The following SMIM22 variants were observed in gnomAD, a reference collection of about 807,000 sequenced individuals.
SMIM22 encodes small integral membrane protein 22.
Under a neutral mutation model 8.4 loss-of-function variants are expected in SMIM22, and 16 were observed. That is an observed-to-expected ratio of 1.90 (90% CI 1.29 to 2.89). The LOEUF is 2.89. Ranked by LOEUF, SMIM22 falls within the 30% of genes most tolerant of loss-of-function variation. The pLI is 0.00. For synonymous variants in SMIM22, 67 were observed against 47.6 expected (o/e 1.41, Z -1.68); for missense variants, 159 against 107.5 (o/e 1.48, Z -2.12).
upstream of SMIM22, among the ~76,000 whole-genome samples, chr16:4,792,467 G>A (rs2082566760): frequency 6.7e-6 from 1 of 148,938 alleles, no homozygotes; most frequent in African/African-American, 2.5e-5. Flanking sequence ...TGGGATTACA[G>A]GCATGAGCCA....
chr16:4,791,781 G>C (rs988822416), upstream of SMIM22, among the ~76,000 whole-genome samples: 1 of 152,052 alleles, frequency 6.6e-6, no homozygotes, highest in Non-Finnish European at 1.5e-5. Context: ...TCTGCCTCCC[G>C]GGTTCAAGTG....
chr16:4,793,432 C>A (rs185884094), upstream of SMIM22, among the ~76,000 whole-genome samples: 24 of 152,284 alleles, frequency 1.6e-4, no homozygotes, highest in South Asian at 6.2e-4. Flanking sequence ...CTAAACTTCT[C>A]TAGGCCTCCG....
intron 3 of SMIM22, 62 bp from the exon 4 acceptor site, chr16:4,796,128 G>T (rs1485453081): frequency 6.5e-7 from 1 of 1,535,734 alleles, no homozygotes; most frequent in Non-Finnish European, 8.7e-7. Context: ...GGCGGGAAGG[G>T]TGCTCATCCC....
chr16:4,791,170 G>A (rs1446428614), upstream of SMIM22, among the ~76,000 whole-genome samples: 1 of 152,188 alleles, frequency 6.6e-6, no homozygotes, highest in Non-Finnish European at 1.5e-5. Context: ...AAATCGTGGC[G>A]GTGAGGGGAG....
upstream of SMIM22, chr16:4,794,915 A>C (rs1014307352): frequency 1.3e-5 from 2 of 152,304 alleles, no homozygotes; most frequent in Non-Finnish European, 2.9e-5. Flanking sequence ...GAGTATATGC[A>C]CAGGTTATAT....
chr16:4,793,786 T>C (rs551568472), upstream of SMIM22, among the ~76,000 whole-genome samples: 34 of 152,360 alleles, frequency 2.2e-4, no homozygotes, highest in African/African-American at 7.7e-4. Flanking sequence ...ATGTATACAA[T>C]TTTTTCTTGA....
At chr16:4,792,451 A>G (rs1262553141), upstream of SMIM22, among the ~76,000 whole-genome samples, 1 of 147,882 alleles carries the variant, frequency 6.8e-6, no homozygotes, top group African/African-American at 2.5e-5. Context: ...CGGCCTCCCA[A>G]AGTGCTGGGA....
rs1469820975 is a variant in SMIM22 at position 4,796,018 on chromosome 16, G to A, written c.195G>A (p.Arg65=). ...GCTGCAGCTCCCCCGGGCCCCGCAG[G>A]GAAAGCCCCAGGAAGGTGAGCCCCT... ...CCCCSSPGPR[R]ESPRKVSPWK... is the part of the protein sequence containing the mutation. The change falls in exon 3 of 4, where the codon AGG becomes AGA. Residue 65 remains arginine (R), a synonymous_variant. Transcript: ENST00000586005. 2.0e-6 allele frequency: 3 copies of A among 1,520,556 alleles called. No homozygotes were observed. Among genetic ancestry groups the A allele is most frequent in the Non-Finnish European group, 2.6e-6 (3 of 1,138,708 alleles). 94.2% of individuals were successfully genotyped at this position (1,520,556 alleles called of 1,614,324 possible). A position where few individuals can be genotyped will look rare whatever the true frequency, so the allele number is the denominator to read the frequency against.
upstream of SMIM22, among the ~76,000 whole-genome samples, chr16:4,793,183 G>A (rs2082579457): frequency 6.6e-6 from 1 of 151,692 alleles, no homozygotes; most frequent in African/African-American, 2.4e-5. Flanking sequence ...GGAAGCAGAG[G>A]GTGGAGGGAT....
chr16:4,789,204 G>A (rs1213932377), intron 2 of SMIM22, among the ~76,000 whole-genome samples: 1 of 152,124 alleles, frequency 6.6e-6, no homozygotes, highest in African/African-American at 2.4e-5. Context: ...TAGAGAAGGG[G>A]TTTCACCACA....
upstream of SMIM22, among the ~76,000 whole-genome samples, chr16:4,791,988 G>A (rs1011238367): frequency 5.4e-5 from 8 of 149,318 alleles, no homozygotes; most frequent in African/African-American, 1.7e-4. Context: ...CGCCTGGCCT[G>A]ACTTTGTCTT....
At chr16:4,788,610 G>C (rs1172315751) in intron 1 of SMIM22, 1 of 152,204 alleles carries the variant, frequency 6.6e-6, no homozygotes, top group African/African-American at 2.4e-5. Flanking sequence ...CAGCTGGCTA[G>C]CGGGATATCC....
Position 4,795,868 on chromosome 16 carries a change from G to T in SMIM22, c.124+10G>T, listed in dbSNP as rs553897596. ...TTCCTCACCTTCATGGGTAAGTGTG[G>T]CTGTGGCCTCTGGGTCCTCCCAGCC... On this transcript the variant is annotated intron_variant, in intron 2 of 3. Transcript: ENST00000586005. 29 of 1,535,646 alleles carry T rather than the reference G, an allele frequency of 1.9e-5. No individual in the cohort carries two copies. In the East Asian group the frequency reaches 6.4e-4, roughly 34 times the overall value.
upstream of SMIM22, among the ~76,000 whole-genome samples, chr16:4,793,495 T>C (rs929620564): frequency 1.3e-5 from 2 of 152,178 alleles, no homozygotes; most frequent in Non-Finnish European, 2.9e-5. Flanking sequence ...AGGATTGCTA[T>C]GAGGAATAAA....
At chr16:4,789,808 T>C (rs2082522344) in intron 2 of SMIM22, 1 of 152,206 alleles carries the variant, frequency 6.6e-6, no homozygotes, top group Non-Finnish European at 1.5e-5. Flanking sequence ...TAATTCTTTC[T>C]TGTTTCCTGG....
intron 1 of SMIM22, 84 bp from the exon 2 acceptor site, chr16:4,795,631 G>A: frequency 6.8e-7 from 1 of 1,461,066 alleles, no homozygotes; most frequent in Non-Finnish European, 9.0e-7. Context: ...GGAGCGGGCA[G>A]TGGCTGGGCT....
chr16:4,791,893 G>A (rs1436623273), upstream of SMIM22, among the ~76,000 whole-genome samples: 1 of 151,998 alleles, frequency 6.6e-6, no homozygotes, highest in Non-Finnish European at 1.5e-5. Context: ...CGCCATGTTG[G>A]CCAGGATGGT....
chr16:4,795,479 A>C, intron 1 of SMIM22, 30 bp downstream of exon 1: 1 of 516,828 alleles, frequency 1.9e-6, no homozygotes, highest in Non-Finnish European at 3.4e-6. Flanking sequence ...CTGGGCTGCC[A>C]GGGGGAGAGA....
upstream of SMIM22, among the ~76,000 whole-genome samples, chr16:4,791,672 C>CG (rs2082553267): frequency 6.6e-6 from 1 of 152,024 alleles, no homozygotes; most frequent in African/African-American, 2.4e-5. Flanking sequence ...TGGGACTGGG[C>CG]GGGGCTCTGT....
Sources: allele counts gnomAD v4.1 joint callset (sites outside exome capture counted in the v4.1 genomes callset), GRCh38; gene constraint gnomAD v4.1.1; transcripts MANE v1.5; gene names NCBI Gene and HGNC (gene_info 2026-07-23, HGNC 2026-07-21).